HDAC11: variants seen among roughly 807,000 people sequenced by gnomAD.
HDAC11 encodes the protein histone deacetylase 11.
A neutral mutation model predicts 41.1 loss-of-function variants in HDAC11; 23 were observed. The observed-to-expected ratio is 0.56, with a 90% CI of 0.40 to 0.79. HDAC11 has a LOEUF of 0.79. HDAC11 is among the 30% of genes least tolerant of loss of function. The probability of loss-of-function intolerance (pLI) is 0.00; values close to 1 mark genes in which losing one functional copy is unlikely to be tolerated. For missense variants in HDAC11, 402 were observed against 477.3 expected (o/e 0.84, Z 1.47); for synonymous variants, 187 against 186.6 (o/e 1.00, Z -0.02).
intron 8 of HDAC11, 56 bp downstream of exon 8, chr3:13,503,036 C>G: frequency 1.5e-6 from 2 of 1,320,780 alleles, no homozygotes; most frequent in Admixed American, 1.7e-5. Context: ...GAGGCTCTCT[C>G]CTGAGTGTCT....
At chr3:13,500,071 C>T (rs993837542) in intron 5 of HDAC11, among the ~76,000 whole-genome samples, 11 of 152,166 alleles carry the variant, frequency 7.2e-5, no homozygotes, top group Non-Finnish European at 1.5e-4. Flanking sequence ...TAGGAGCCAA[C>T]AGTAGCCTCC....
intron 5 of HDAC11, among the ~76,000 whole-genome samples, chr3:13,500,084 G>C (rs560046339): frequency 4.6e-5 from 7 of 152,150 alleles, no homozygotes; most frequent in African/African-American, 7.2e-5. Flanking sequence ...TAGCCTCCTG[G>C]GGGGTGGGAG....
intron 2 of HDAC11, among the ~76,000 whole-genome samples, chr3:13,482,495 G>A (rs1701366441): frequency 6.6e-6 from 1 of 152,210 alleles, no homozygotes; most frequent in Non-Finnish European, 1.5e-5. Flanking sequence ...TCAGAAGGTG[G>A]AGGGAGGCCG....
rs998368310 is a variant in HDAC11, at chr3:13,484,027, G to C, written c.252+463G>C. Among the ~76,000 whole-genome samples, 9 of 152,160 alleles carry C rather than the reference G, an allele frequency of 5.9e-5. No homozygotes were observed. In the East Asian group the frequency reaches 1.4e-3, roughly 23 times the overall value. On this transcript the variant is annotated intron_variant, in intron 3 of 9. Coordinates refer to ENST00000295757, the MANE Select transcript of HDAC11 (RefSeq NM_024827.4). Reference sequence around the variant, plus strand: ...GGCTGGAGTGCAGTGATGTGATCTCGGCTCATTGCAACCTCCGCCTTCCGG... The same window carrying C: ...GGCTGGAGTGCAGTGATGTGATCTCCGCTCATTGCAACCTCCGCCTTCCGG...
chr3:13,493,701 C>T (rs1380830084), intron 3 of HDAC11, among the ~76,000 whole-genome samples: 1 of 152,242 alleles, frequency 6.6e-6, no homozygotes, highest in African/African-American at 2.4e-5. Context: ...CTCCTCTTCA[C>T]TGCCCGAAGC....
At position 13,502,728 on chromosome 3, in the gene HDAC11, C is replaced by T. The variant is rs777539425; in HGVS notation, c.553-156C>T. The T allele has an allele frequency of 9.7e-6, 6 of 620,832 alleles. No homozygotes were observed. Among genetic ancestry groups the T allele is most frequent in the African/African-American group, 7.3e-5 (4 of 54,484 alleles). 38.5% of individuals were successfully genotyped at this position (620,832 alleles called of 1,614,324 possible). A position where few individuals can be genotyped will look rare whatever the true frequency, so the allele number is the denominator to read the frequency against. ...GGGGCCTGGTTTTAAGGTTGAATCC[C>T]AGCTCTGCCCCTTAACAGTCATGAG... On this transcript the variant is annotated intron_variant, in intron 7 of 9. Coordinates refer to ENST00000295757, the MANE Select transcript of HDAC11 (RefSeq NM_024827.4). This position sits in a 1 kb window ranked among gnomAD's most constrained non-coding sequence, Gnocchi z 4.1.
At chr3:13,504,324 G>T in intron 9 of HDAC11, 52 bp downstream of exon 9, 1 of 1,600,576 alleles carries the variant, frequency 6.2e-7, no homozygotes. Context: ...GGACTCAGCA[G>T]CAGCAGGAAA....
intron 3 of HDAC11, among the ~76,000 whole-genome samples, chr3:13,488,085 A>G (rs1304654453): frequency 6.6e-6 from 1 of 151,320 alleles, no homozygotes; most frequent in Non-Finnish European, 1.5e-5. Context: ...CCAGGGCAGA[A>G]CTATCTGTCA....
chr3:13,502,902 G>T lies in HDAC11; in HGVS notation c.571G>T (p.Asp191Tyr). The change falls in exon 8 of 10, where the codon GAC becomes TAC. Residue 191 changes from aspartate (D) to tyrosine (Y), a missense_variant. Coordinates refer to ENST00000295757, the MANE Select transcript of HDAC11 (RefSeq NM_024827.4). This position sits in a 1 kb window ranked among gnomAD's most constrained non-coding sequence, Gnocchi z 4.1. ...DAHQGNGHER[D>Y]FMDDKRVYIM... is the part of the protein sequence containing the mutation. ...CCCACAGGGCAATGGGCATGAGCGA[G>T]ACTTCATGGACGACAAGCGTGTGTA... 6.2e-7 allele frequency: 1 copy of T among 1,613,540 alleles called. No homozygotes were observed. The highest frequency in any genetic ancestry group is 1.1e-5 in the South Asian group (1 of 91,078).
chr3:13,483,439 C>G (rs757814266), intron 2 of HDAC11, 25 bp from the exon 3 acceptor site: 6 of 1,602,338 alleles, frequency 3.7e-6, no homozygotes, highest in Admixed American at 3.3e-5. Flanking sequence ...AGTGGGGAAG[C>G]AGGATGCTCC....
chr3:13,504,745 T>A lies in HDAC11; in HGVS notation c.*62T>A, dbSNP rs1702543756. ...CCGCCCCTTAGTGCTTTTTGTTTTC[T>A]AACCTCATGGGGTGGTGGAGGCAGC... On this transcript the variant is annotated 3_prime_UTR_variant, in exon 10 of 10. Transcript: ENST00000295757. 1 of 1,439,276 alleles carries A rather than the reference T, an allele frequency of 6.9e-7. No individual in the cohort carries two copies. The highest frequency in any genetic ancestry group is 1.4e-5 in the African/African-American group (1 of 71,614). The allele number at this position is 1,439,276 out of a possible 1,614,324, so 89.2% of individuals were successfully genotyped here. A position where few individuals can be genotyped will look rare whatever the true frequency, so the allele number is the denominator to read the frequency against.
At chr3:13,491,388 T>C (rs1701858594) in intron 3 of HDAC11, among the ~76,000 whole-genome samples, 1 of 152,024 alleles carries the variant, frequency 6.6e-6, no homozygotes, top group Non-Finnish European at 1.5e-5. Context: ...CTTCTGTTCC[T>C]AGTTTGTTGA....
In HDAC11 at chr3:13,504,950, G is replaced by A; in HGVS notation, c.*267G>A. 3.6e-6 allele frequency: 2 copies of A among 549,602 alleles called. No individual in the cohort carries two copies. The highest frequency in any genetic ancestry group is 6.6e-6 in the Non-Finnish European group (2 of 305,088). 34.0% of individuals were successfully genotyped at this position (549,602 alleles called of 1,614,324 possible). ...ACCAGCCCATAGGTCCAGGGAGGCAGGCAGTTAACTGAGAATTGGAGAGGA... is the reference window on the plus strand; with the variant it reads ...ACCAGCCCATAGGTCCAGGGAGGCAAGCAGTTAACTGAGAATTGGAGAGGA... On this transcript the variant is annotated 3_prime_UTR_variant, in exon 10 of 10. Coordinates refer to ENST00000295757, the MANE Select transcript of HDAC11 (RefSeq NM_024827.4).
chr3:13,503,661 G>A (rs1427519664), intron 8 of HDAC11, among the ~76,000 whole-genome samples: 1 of 152,252 alleles, frequency 6.6e-6, no homozygotes. Context: ...TTTAAAAACA[G>A]GGCTGCCACC....
Position 13,480,562 on chromosome 3 carries a change from G to C in HDAC11, c.2+213G>C, listed in dbSNP as rs1216010453. 1 of 307,920 alleles carries C rather than the reference G, an allele frequency of 3.2e-6. No individual in the cohort carries two copies. Among genetic ancestry groups the C allele is most frequent in the African/African-American group, 2.2e-5 (1 of 44,902 alleles). The allele number at this position is 307,920 out of a possible 1,614,324, so 19.1% of individuals were successfully genotyped here. A position where few individuals can be genotyped will look rare whatever the true frequency, so the allele number is the denominator to read the frequency against. Reference sequence around the variant, plus strand: ...CTGCTCGGTGGCCCGAGGGACGCGCGCCGGCCGCGGGCCTGGGCCCGGACC... The same window carrying C: ...CTGCTCGGTGGCCCGAGGGACGCGCCCCGGCCGCGGGCCTGGGCCCGGACC... On this transcript the variant is annotated intron_variant, in intron 1 of 9. Coordinates refer to ENST00000295757, the MANE Select transcript of HDAC11 (RefSeq NM_024827.4). The surrounding 1 kb of genome is among the most constrained non-coding windows in gnomAD (Gnocchi z 4.6).
At position 13,480,560 on chromosome 3, in the gene HDAC11, G is replaced by A; in HGVS notation, c.2+211G>A. The A allele has an allele frequency of 3.2e-6, 1 of 308,806 alleles. No homozygotes were observed. Among genetic ancestry groups the A allele is most frequent in the Non-Finnish European group, 6.2e-6 (1 of 161,684 alleles). 19.1% of individuals were successfully genotyped at this position (308,806 alleles called of 1,614,324 possible). A position where few individuals can be genotyped will look rare whatever the true frequency, so the allele number is the denominator to read the frequency against. ...CCCTGCTCGGTGGCCCGAGGGACGC[G>A]CGCCGGCCGCGGGCCTGGGCCCGGA... On this transcript the variant is annotated intron_variant, in intron 1 of 9. Transcript: ENST00000295757. This position sits in a 1 kb window ranked among gnomAD's most constrained non-coding sequence, Gnocchi z 4.6.
At position 13,490,593 on chromosome 3, in the gene HDAC11, G is replaced by A. The variant is rs907910283; in HGVS notation, c.253-6143G>A. ...TATTCCCATGCATTTTATTCTTTTC[G>A]ATGTTATTATAAATGAAATTGTTTG... On this transcript the variant is annotated intron_variant, in intron 3 of 9. Transcript: ENST00000295757. Among the ~76,000 whole-genome samples, 13 of 151,824 alleles carry A rather than the reference G, an allele frequency of 8.6e-5. No individual in the cohort carries two copies. The South Asian group carries it at 1.5e-3, about 17-fold the overall frequency.
Position 13,483,458 on chromosome 3 carries a change from T to G in HDAC11, c.152-6T>G. ...GGGAAGCAGGATGCTCCCTCTGTGG[T>G]TTCAGAAGAGAAGCTTCTGTCTGAC... is the stretch of plus-strand genomic sequence containing the variant. On this transcript the variant is annotated splice_polypyrimidine_tract_variant and splice_region_variant and intron_variant, in intron 2 of 9. Transcript: ENST00000295757. The G allele has an allele frequency of 6.2e-7, 1 of 1,613,298 alleles. No individual in the cohort carries two copies. Among genetic ancestry groups the G allele is most frequent in the Non-Finnish European group, 8.5e-7 (1 of 1,179,304 alleles).
intron 2 of HDAC11, 100 bp downstream of exon 2, chr3:13,481,494 A>G (rs1021117351): frequency 5.6e-6 from 8 of 1,424,146 alleles, no homozygotes; most frequent in Middle Eastern, 3.6e-4. Context: ...TCCCATCTTC[A>G]GTTTCAGCCC....
Sources: allele counts gnomAD v4.1 joint callset (sites outside exome capture counted in the v4.1 genomes callset), GRCh38; gene constraint gnomAD v4.1.1; non-coding constraint Gnocchi (gnomAD v3.1); transcripts MANE v1.5; gene names NCBI Gene and HGNC (gene_info 2026-07-23, HGNC 2026-07-21).